LMTK2: variants seen among roughly 807,000 people sequenced by gnomAD.
The protein encoded by LMTK2 is serine/threonine-protein kinase LMTK2.
Under a neutral mutation model 127.5 loss-of-function variants are expected in LMTK2, and 37 were observed. That is an observed-to-expected ratio of 0.29 (90% CI 0.22 to 0.38). The LOEUF (loss-of-function observed/expected upper bound fraction) is 0.38, where lower values mean the gene tolerates loss of function less well. Among genes scored for constraint, LMTK2 ranks in the 10% least tolerant of loss-of-function variants. LMTK2 has a pLI of 1.00. For synonymous variants in LMTK2, 819 were observed against 810.1 expected, an observed-to-expected ratio of 1.01 and a Z score of -0.19; for missense variants, 1,694 against 1,920.3, an observed-to-expected ratio of 0.88 and a Z score of 2.20.
intron 1 of LMTK2, among the ~76,000 whole-genome samples, chr7:98,107,653 A>G (rs1460968821): frequency 1.3e-5 from 2 of 151,918 alleles, no homozygotes; most frequent in Admixed American, 6.6e-5. Context: ...TCTCATAAGA[A>G]CCGTTTCTTA....
chr7:98,195,264 G>A (rs1797609116), intron 11 of LMTK2, among the ~76,000 whole-genome samples: 1 of 152,128 alleles, frequency 6.6e-6, no homozygotes, highest in Non-Finnish European at 1.5e-5. Context: ...GTGCAGCCCT[G>A]GAGACAGCTC....
intron 5 of LMTK2, among the ~76,000 whole-genome samples, chr7:98,155,265 CTCA>C (rs1259381842): frequency 6.6e-6 from 1 of 152,150 alleles, no homozygotes. Context: ...AATACAGGAA[CTCA>C]TCATTTCAGT....
rs1355572733 is a variant in LMTK2 at position 98,193,380 on chromosome 7, C to T, written c.2915C>T (p.Ser972Leu). 6.2e-7 allele frequency: 1 copy of T among 1,614,214 alleles called. No individual in the cohort carries two copies. Residue 972 changes from serine (S) to leucine (L), a missense_variant, in exon 11 of 14, where the codon TCA (serine) becomes TTA (leucine). By Grantham distance (145) the Ser-to-Leu change is moderately radical. This residue lies in a region of LMTK2 where 527 missense variants were observed against 539.8 expected (regional missense o/e 0.98). Transcript: ENST00000297293. The surrounding 1 kb of genome is among the most constrained non-coding windows in gnomAD (Gnocchi z 4.1). ...TTGGTGTCTGCCCTCTCCTCGGACT[C>T]AACCAGTCAGGACAGCCTCCTGGAG... ...AGLVSALSSD[S>L]TSQDSLLEDS...
At chr7:98,117,635 A>C (rs144822231) in intron 1 of LMTK2, among the ~76,000 whole-genome samples, 8 of 152,096 alleles carry the variant, frequency 5.3e-5, no homozygotes, top group Admixed American at 3.3e-4. Flanking sequence ...CTTTTCTTCA[A>C]GGAGCTCTGG....
chr7:98,117,754 G>T (rs1471034506), intron 1 of LMTK2, among the ~76,000 whole-genome samples: 1 of 152,052 alleles, frequency 6.6e-6, no homozygotes, highest in East Asian at 1.9e-4. Flanking sequence ...ATCACTTGAG[G>T]TCAGGAGTTC....
intron 7 of LMTK2, among the ~76,000 whole-genome samples, chr7:98,181,507 G>A (rs913866956): frequency 5.3e-5 from 8 of 152,164 alleles, no homozygotes; most frequent in Non-Finnish European, 1.2e-4. Context: ...GAAGAACAAA[G>A]CTAGAAGACT....
At position 98,208,405 on chromosome 7, in the gene LMTK2, TTAAC is replaced by T. The variant is rs1248386622; in HGVS notation, c.*2917_*2920del. ...TTTTTGTTGTTTGTTTTGTTATTTT[TTAAC>T]TAATAAGTTGGTTATCAGTGGTGGG... On this transcript the variant is annotated 3_prime_UTR_variant, in exon 14 of 14. Coordinates refer to ENST00000297293, the MANE Select transcript of LMTK2 (RefSeq NM_014916.4). The T allele has an allele frequency of 6.6e-6, 1 of 152,238 alleles. No homozygotes were observed. The highest frequency in any genetic ancestry group is 2.4e-5 in the African/African-American group (1 of 41,452). The allele number at this position is 152,238 out of a possible 1,614,324, so 9.4% of individuals were successfully genotyped here.
At chr7:98,185,604 A>G (rs1412156752) in intron 8 of LMTK2, among the ~76,000 whole-genome samples, 1 of 152,068 alleles carries the variant, frequency 6.6e-6, no homozygotes, top group African/African-American at 2.4e-5. Flanking sequence ...TGAAGTTTCC[A>G]TTTGTGTGTG....
At chr7:98,173,754 CAAGTTA>C (rs904956418) in intron 7 of LMTK2, among the ~76,000 whole-genome samples, 1 of 152,084 alleles carries the variant, frequency 6.6e-6, no homozygotes, top group African/African-American at 2.4e-5. Flanking sequence ...TTCTAAAACT[CAAGTTA>C]AAGAAAATCC....
At chr7:98,184,956 G>A (rs990396061) in intron 7 of LMTK2, 95 bp from the exon 8 acceptor site, 5 of 847,444 alleles carry the variant, frequency 5.9e-6, no homozygotes, top group African/African-American at 4.9e-5. Context: ...ATACTTACTC[G>A]GATCCCGAGA....
At chr7:98,180,032 ATAG>A (rs1295004153) in intron 7 of LMTK2, among the ~76,000 whole-genome samples, 1 of 152,240 alleles carries the variant, frequency 6.6e-6, no homozygotes, top group Non-Finnish European at 1.5e-5. Context: ...GAGGAAAATA[ATAG>A]TACCCACCTC....
rs1797794838 is a variant in LMTK2, at chr7:98,206,161, T to C, written c.*669T>C. 6.6e-6 allele frequency: 1 copy of C among 152,432 alleles called. No homozygotes were observed. Among genetic ancestry groups the C allele is most frequent in the Admixed American group, 6.5e-5 (1 of 15,296 alleles). The allele number at this position is 152,432 out of a possible 1,614,324, so 9.4% of individuals were successfully genotyped here. A position where few individuals can be genotyped will look rare whatever the true frequency, so the allele number is the denominator to read the frequency against. ...TCTACTGTGTCTAGGATTGTTGGGA[T>C]TGTACATATGGTACTCTTTCATAAA... On this transcript the variant is annotated 3_prime_UTR_variant, in exon 14 of 14. Coordinates refer to ENST00000297293, the MANE Select transcript of LMTK2 (RefSeq NM_014916.4).
At chr7:98,167,812 C>G (rs890582755) in intron 6 of LMTK2, among the ~76,000 whole-genome samples, 2 of 152,184 alleles carry the variant, frequency 1.3e-5, no homozygotes, top group African/African-American at 4.8e-5. Flanking sequence ...CAGGACGGAG[C>G]TCCAGGGTCC....
At chr7:98,180,181 T>C (rs946357963) in intron 7 of LMTK2, among the ~76,000 whole-genome samples, 3 of 152,268 alleles carry the variant, frequency 2.0e-5, no homozygotes, top group African/African-American at 4.8e-5. Flanking sequence ...ATTATATCGG[T>C]GTTAGCCGTT....
chr7:98,140,143 T>TTTCTTTCTTTC (rs1287075522), intron 2 of LMTK2, among the ~76,000 whole-genome samples: 5 of 7,338 alleles, frequency 6.8e-4, no homozygotes, highest in African/African-American at 1.4e-3. Flanking sequence ...TCTTTCTTTC[T>TTTCTTTCTTTC]TTTCTTTTCT....
chr7:98,137,127 C>T (rs1316225750), intron 1 of LMTK2, among the ~76,000 whole-genome samples, 188 bp from the exon 2 acceptor site: 1 of 152,184 alleles, frequency 6.6e-6, no homozygotes, highest in Non-Finnish European at 1.5e-5. Context: ...CTCTGTAACT[C>T]CTCTGTAAAT....
chr7:98,192,548 G>C lies in LMTK2; in HGVS notation c.2083G>C (p.Asp695His). ...GAAAGAAAAGCCCCGTAAGATTTTT[G>C]ACAGTGAGCCTCTCTGCCTATCAGA... ...FEKEKPRKIFDSEPLCLSDNL... is the reference protein window; with the variant it reads ...FEKEKPRKIFHSEPLCLSDNL... The change falls in exon 11 of 14, where the codon GAC (aspartate) becomes CAC (histidine). Residue 695 changes from aspartate (D) to histidine (H), a missense_variant. Coordinates refer to ENST00000297293, the MANE Select transcript of LMTK2 (RefSeq NM_014916.4). 2 of 1,612,520 alleles carry C rather than the reference G, an allele frequency of 1.2e-6. No homozygotes were observed. The highest frequency in any genetic ancestry group is 1.7e-6 in the Non-Finnish European group (2 of 1,179,702).
At chr7:98,190,548 C>T (rs1797506467) in intron 9 of LMTK2, among the ~76,000 whole-genome samples, 180 bp from the exon 10 acceptor site, 1 of 152,202 alleles carries the variant, frequency 6.6e-6, no homozygotes, top group East Asian at 1.9e-4. Flanking sequence ...CACCATTGCA[C>T]TCCAGCCTGG....
intron 1 of LMTK2, among the ~76,000 whole-genome samples, chr7:98,127,825 A>G (rs993703299): frequency 1.4e-4 from 21 of 152,186 alleles, no homozygotes; most frequent in Non-Finnish European, 4.4e-5. Flanking sequence ...CCATAAATAT[A>G]TACACCTATT....
Sources: allele counts gnomAD v4.1 joint callset (sites outside exome capture counted in the v4.1 genomes callset), GRCh38; gene constraint gnomAD v4.1.1; regional missense constraint gnomAD v4.1.1; non-coding constraint Gnocchi (gnomAD v3.1); transcripts MANE v1.5; gene names NCBI Gene and HGNC (gene_info 2026-07-23, HGNC 2026-07-21).